The following FMNL2 variants were observed in gnomAD, a reference collection of about 807,000 sequenced individuals.
The protein encoded by FMNL2 is formin-like protein 2.
Under a neutral mutation model 130.2 loss-of-function variants are expected in FMNL2, and 51 were observed. The ratio of observed to expected loss-of-function variants is 0.39; its 90% CI spans 0.31 to 0.49. The LOEUF (loss-of-function observed/expected upper bound fraction) is 0.49, where lower values mean the gene tolerates loss of function less well. FMNL2 is among the 20% of genes least tolerant of loss of function. The pLI, the probability that FMNL2 is intolerant of heterozygous loss-of-function variation, is 0.85. For missense variants in FMNL2, 977 were observed against 1,316.2 expected (o/e 0.74, Z 3.99); for synonymous variants, 465 against 467.1 (o/e 1.00, Z 0.06).
In FMNL2 at chr2:152,335,461, C is replaced by T; in HGVS notation, c.-143C>T. 2.2e-6 allele frequency: 1 copy of T among 460,590 alleles called. No individual in the cohort carries two copies. The highest frequency in any genetic ancestry group is 3.6e-6 in the Non-Finnish European group (1 of 281,352). The allele number at this position is 460,590 out of a possible 1,614,324, so 28.5% of individuals were successfully genotyped here. A position where few individuals can be genotyped will look rare whatever the true frequency, so the allele number is the denominator to read the frequency against. ...AGCGCTGCTAGGGAGCGGTGCGCGC[C>T]GCACACCCGCCTGGGCGCGGCGGAG... On this transcript the variant is annotated 5_prime_UTR_variant, in exon 1 of 26. Coordinates refer to ENST00000288670, the MANE Select transcript of FMNL2 (RefSeq NM_052905.4).
At chr2:152,566,785 C>T (rs1037238372) in intron 6 of FMNL2, among the ~76,000 whole-genome samples, 8 of 151,944 alleles carry the variant, frequency 5.3e-5, no homozygotes, top group South Asian at 4.1e-4. Context: ...TCTAACAATA[C>T]GGAAATGTAG....
chr2:152,412,484 ATATATATATATATATAT>A (rs1489969382), intron 1 of FMNL2, among the ~76,000 whole-genome samples: 4 of 99,800 alleles, frequency 4.0e-5, no homozygotes, highest in Admixed American at 1.0e-4. Context: ...ATATATATAT[ATATATATATATATATAT>A]AAATTAGAAA....
chr2:152,457,448 A>G (rs1436865764), intron 1 of FMNL2, among the ~76,000 whole-genome samples: 1 of 152,178 alleles, frequency 6.6e-6, no homozygotes, highest in African/African-American at 2.4e-5. Flanking sequence ...TGTGCTAACT[A>G]GACTGGTGCC....
chr2:152,526,058 A>G lies in FMNL2; in HGVS notation c.201+4032A>G, dbSNP rs543972434. Among the ~76,000 whole-genome samples the G allele has an allele frequency of 2.0e-5, 3 of 152,330 alleles. No individual in the cohort carries two copies. The South Asian group carries it at 6.2e-4, about 32-fold the overall frequency. On this transcript the variant is annotated intron_variant, in intron 2 of 25. Transcript: ENST00000288670. ...TAAATTTTCTAAAACATTAAAGAGC[A>G]AATATATCTCCATGGTTTTTAGTGT...
At chr2:152,346,409 G>T (rs867784415) in intron 1 of FMNL2, among the ~76,000 whole-genome samples, 2 of 152,252 alleles carry the variant, frequency 1.3e-5, no homozygotes, top group Middle Eastern at 6.8e-3. Flanking sequence ...GCTTTGGGAG[G>T]CTGAGGTGGG....
chr2:152,618,138 G>C (rs527963858), intron 13 of FMNL2, among the ~76,000 whole-genome samples: 4 of 151,586 alleles, frequency 2.6e-5, no homozygotes, highest in South Asian at 2.1e-4. Context: ...ACCTCTATGG[G>C]CCCCCCCCTT....
At chr2:152,405,283 G>A (rs1426170833) in intron 1 of FMNL2, among the ~76,000 whole-genome samples, 3 of 152,176 alleles carry the variant, frequency 2.0e-5, no homozygotes, top group African/African-American at 7.2e-5. Context: ...GACATTCAAC[G>A]CATCTTCCTT....
At chr2:152,579,925 A>G (rs970432165) in intron 8 of FMNL2, among the ~76,000 whole-genome samples, 8 of 152,222 alleles carry the variant, frequency 5.3e-5, no homozygotes, top group African/African-American at 1.7e-4. Context: ...TGTAGACAAA[A>G]TATCTGAAAA....
intron 6 of FMNL2, among the ~76,000 whole-genome samples, chr2:152,572,955 G>C (rs565318271): frequency 6.6e-6 from 1 of 152,106 alleles, no homozygotes; most frequent in Admixed American, 6.5e-5. Flanking sequence ...ATCTAGTCTT[G>C]TATGTTTAAG....
intron 1 of FMNL2, chr2:152,389,938 G>A: frequency 8.7e-7 from 1 of 1,149,676 alleles, no homozygotes; most frequent in Non-Finnish European, 1.3e-6. Flanking sequence ...GCTGGCCAAG[G>A]AAGCCAAGTC....
chr2:152,621,460 T>C (rs1216424247), intron 15 of FMNL2, among the ~76,000 whole-genome samples: 2 of 152,206 alleles, frequency 1.3e-5, no homozygotes, highest in South Asian at 4.1e-4. Flanking sequence ...CCTCAATATT[T>C]TAAGGTGTAG....
At chr2:152,591,096 G>T (rs541494677) in intron 9 of FMNL2, among the ~76,000 whole-genome samples, 1 of 138,206 alleles carries the variant, frequency 7.2e-6, no homozygotes, top group Non-Finnish European at 1.5e-5. Flanking sequence ...TGCAACCTCC[G>T]TCTCCCGGGT....
chr2:152,393,397 C>T (rs532698074), intron 1 of FMNL2, among the ~76,000 whole-genome samples: 2 of 152,192 alleles, frequency 1.3e-5, no homozygotes, highest in East Asian at 1.9e-4. Context: ...ATAAACTTGC[C>T]TATATTTGAG....
chr2:152,503,067 G>A (rs1052280525), intron 1 of FMNL2, among the ~76,000 whole-genome samples: 1 of 152,140 alleles, frequency 6.6e-6, no homozygotes, highest in African/African-American at 2.4e-5. Flanking sequence ...GTATCAGGAG[G>A]GACAAAATGG....
At chr2:152,635,540 T>G (rs572934553) in intron 21 of FMNL2, among the ~76,000 whole-genome samples, 1 of 152,356 alleles carries the variant, frequency 6.6e-6, no homozygotes, top group South Asian at 2.1e-4. Flanking sequence ...AAATGATGTA[T>G]AACATAACCA....
At chr2:152,641,104 T>C (rs1335614352) in intron 25 of FMNL2, among the ~76,000 whole-genome samples, 190 bp downstream of exon 25, 1 of 152,214 alleles carries the variant, frequency 6.6e-6, no homozygotes, top group Non-Finnish European at 1.5e-5. Flanking sequence ...CCCAATACTC[T>C]GCATTGGAAC....
intron 6 of FMNL2, among the ~76,000 whole-genome samples, chr2:152,572,341 AAG>A (rs1369065896): frequency 2.0e-5 from 3 of 152,204 alleles, no homozygotes; most frequent in African/African-American, 4.8e-5. Context: ...GGGCTTAAAA[AAG>A]AGATTTGGTT....
At position 152,558,734 on chromosome 2, in the gene FMNL2, C is replaced by A; in HGVS notation, c.360-6C>A. ...CCAATGATTTTTTTTTTTTTTTCCC[C>A]AACAGATGGGTCAGAGAATTTCTGA... On this transcript the variant is annotated splice_region_variant and splice_polypyrimidine_tract_variant and intron_variant, in intron 4 of 25. Transcript: ENST00000288670. 6.2e-7 allele frequency: 1 copy of A among 1,603,628 alleles called. No individual in the cohort carries two copies. The highest frequency in any genetic ancestry group is 8.5e-7 in the Non-Finnish European group (1 of 1,176,094).
intron 1 of FMNL2, among the ~76,000 whole-genome samples, chr2:152,374,698 G>C (rs1467093289): frequency 6.6e-6 from 1 of 152,194 alleles, no homozygotes; most frequent in East Asian, 1.9e-4. Context: ...CCTGTCACCA[G>C]CATTTAGTGA....
Sources: allele counts gnomAD v4.1 joint callset (sites outside exome capture counted in the v4.1 genomes callset), GRCh38; gene constraint gnomAD v4.1.1; transcripts MANE v1.5; gene names NCBI Gene and HGNC (gene_info 2026-07-23, HGNC 2026-07-21).